The following NRXN1 variants were observed in gnomAD, a reference collection of about 807,000 sequenced individuals.
The protein encoded by NRXN1 is neurexin 1, also known as neurexin-1.
In NRXN1, 39 loss-of-function variants were observed where a neutral mutation model predicts 150.9. That is an observed-to-expected ratio of 0.26 (90% confidence interval 0.20 to 0.34). NRXN1 has a LOEUF of 0.34. Among genes scored for constraint, NRXN1 ranks in the 10% least tolerant of loss-of-function variants. NRXN1 has a pLI of 1.00. For synonymous variants in NRXN1, 924 were observed against 757.0 expected (o/e 1.22, Z -3.62); for missense variants, 1,815 against 1,949.9 (o/e 0.93, Z 1.30).
intron 17 of NRXN1, among the ~76,000 whole-genome samples, chr2:50,371,859 A>C (rs1197140634): frequency 6.6e-6 from 1 of 152,080 alleles, no homozygotes; most frequent in Non-Finnish European, 1.5e-5. Context: ...TCCTTAAATA[A>C]TAACTCTGAT....
chr2:50,902,856 A>C (rs7564490), intron 5 of NRXN1, among the ~76,000 whole-genome samples: 2 of 152,170 alleles, frequency 1.3e-5, no homozygotes, highest in African/African-American at 4.8e-5. Flanking sequence ...ACAAGTCAAA[A>C]ATGAATTAAT....
At chr2:50,000,755 G>T (rs1385605520) in intron 21 of NRXN1, among the ~76,000 whole-genome samples, 4 of 152,260 alleles carry the variant, frequency 2.6e-5, no homozygotes, top group Middle Eastern at 3.4e-3. Context: ...TGCCTTTCCT[G>T]ACTCTGTAGA....
intron 21 of NRXN1, among the ~76,000 whole-genome samples, chr2:50,052,570 C>A (rs923432976): frequency 6.6e-6 from 1 of 152,046 alleles, no homozygotes. Context: ...AATTAACATA[C>A]TTCCAAGTTG....
intron 2 of NRXN1, among the ~76,000 whole-genome samples, chr2:51,007,675 C>G (rs1042354774): frequency 2.0e-5 from 3 of 151,812 alleles, no homozygotes; most frequent in Non-Finnish European, 4.4e-5. Context: ...ATGGGATGCA[C>G]TTTTACATGA....
chr2:50,859,819 TAC>T (rs777927048), intron 5 of NRXN1, among the ~76,000 whole-genome samples: 22 of 130,310 alleles, frequency 1.7e-4, no homozygotes, highest in Non-Finnish European at 3.2e-4. Context: ...ACACATTATA[TAC>T]ACACACACAA....
intron 18 of NRXN1, among the ~76,000 whole-genome samples, chr2:50,196,029 A>G (rs1022005035): frequency 2.6e-5 from 4 of 152,034 alleles, no homozygotes; most frequent in African/African-American, 9.7e-5. Context: ...TTACATATGT[A>G]AACGTGTGCC....
intron 5 of NRXN1, among the ~76,000 whole-genome samples, chr2:50,838,434 A>G (rs1037518752): frequency 2.0e-5 from 3 of 152,070 alleles, no homozygotes; most frequent in Non-Finnish European, 4.4e-5. Context: ...GCCATGTAGG[A>G]CCTAAAAGAA....
chr2:50,850,395 C>T (rs904562415), intron 5 of NRXN1, among the ~76,000 whole-genome samples: 3 of 152,122 alleles, frequency 2.0e-5, no homozygotes, highest in African/African-American at 7.2e-5. Context: ...TTTTTCTTCT[C>T]TGGAACTCAG....
intron 5 of NRXN1, among the ~76,000 whole-genome samples, chr2:50,726,715 T>C (rs1697405818): frequency 6.6e-6 from 1 of 152,176 alleles, no homozygotes; most frequent in Non-Finnish European, 1.5e-5. Flanking sequence ...ACACTTGAAA[T>C]AATATTACTT....
At chr2:50,326,643 C>T (rs1185731314) in intron 17 of NRXN1, among the ~76,000 whole-genome samples, 1 of 152,060 alleles carries the variant, frequency 6.6e-6, no homozygotes, top group African/African-American at 2.4e-5. Context: ...GTGTTACTTG[C>T]TTATAGTTGT....
At chr2:50,206,600 C>T (rs1183409743) in intron 18 of NRXN1, among the ~76,000 whole-genome samples, 3 of 151,876 alleles carry the variant, frequency 2.0e-5, no homozygotes, top group African/African-American at 4.8e-5. Context: ...CGGGACAGCA[C>T]ATTAAAAATT....
At position 50,506,555 on chromosome 2, in the gene NRXN1, G is replaced by A. The variant is rs201150987; in HGVS notation, c.2437C>T (p.Arg813Cys). The A allele has an allele frequency of 1.5e-4, 235 of 1,613,092 alleles. No homozygotes were observed. Among genetic ancestry groups the A allele is most frequent in the Non-Finnish European group, 1.9e-4 (224 of 1,179,410 alleles). The part of the protein sequence containing the change: ...NLNDNEWHTV[R>C]VVRRGKSLKL... ...AAACTTTTTCCACGCCGAACTACAC[G>A]CACTGTGTGCCACTCGTTATCATTG... The change falls in exon 13 of 23, where the codon CGT becomes TGT. Residue 813 changes from arginine to cysteine, a missense_variant. Transcript: ENST00000401669.
chr2:50,322,734 T>A (rs2076132743), intron 17 of NRXN1, among the ~76,000 whole-genome samples: 1 of 152,202 alleles, frequency 6.6e-6, no homozygotes, highest in African/African-American at 2.4e-5. Context: ...TAATTAATTC[T>A]TGAAAAATTA....
At chr2:50,612,384 T>TC (rs1678313755) in intron 8 of NRXN1, among the ~76,000 whole-genome samples, 1 of 152,182 alleles carries the variant, frequency 6.6e-6, no homozygotes, top group Non-Finnish European at 1.5e-5. Context: ...TTGTTTTTTT[T>TC]CTTCTTCTTC....
At position 49,973,638 on chromosome 2, in the gene NRXN1, CAG is replaced by C. The variant is rs1553439637; in HGVS notation, c.4129-29849_4129-29848del. On this transcript the variant is annotated intron_variant, in intron 21 of 22. Coordinates refer to ENST00000401669, the MANE Select transcript of NRXN1 (RefSeq NM_001330078.2). ...ATGCACACACACACACACACACACA[CAG>C]ACACAAGTTTTGGTTGTTTTTGCCA... The C allele has an allele frequency of 3.7e-4, 123 of 333,012 alleles. No homozygotes were observed. The East Asian group carries it at 5.3e-3, about 14-fold the overall frequency. The allele number at this position is 333,012 out of a possible 1,614,324, so 20.6% of individuals were successfully genotyped here.
rs186193476 is a variant in NRXN1 at position 50,140,460 on chromosome 2, T to C, written c.3547-48966A>G. 2.3e-3 allele frequency among the ~76,000 whole-genome samples: 354 copies of C among 152,194 alleles called. 1 individual carries two copies. Among genetic ancestry groups the C allele is most frequent in the African/African-American group, 6.7e-3 (277 of 41,558 alleles). On this transcript the variant is annotated intron_variant, in intron 18 of 22. Coordinates refer to ENST00000401669, the MANE Select transcript of NRXN1 (RefSeq NM_001330078.2). Reference sequence around the variant, plus strand: ...GGAATCCTAAGATGGTTGAGGGCACTCCACATTTATCTAAGCCTTTAGAAC... The same window carrying C: ...GGAATCCTAAGATGGTTGAGGGCACCCCACATTTATCTAAGCCTTTAGAAC...
At chr2:50,056,258 T>A (rs978836615) in intron 19 of NRXN1, among the ~76,000 whole-genome samples, 2 of 152,138 alleles carry the variant, frequency 1.3e-5, no homozygotes, top group African/African-American at 4.8e-5. Context: ...TACAATAATT[T>A]ATAAGTGCTT....
At chr2:50,424,611 G>A (rs2084333926) in intron 17 of NRXN1, among the ~76,000 whole-genome samples, 1 of 152,020 alleles carries the variant, frequency 6.6e-6, no homozygotes, top group East Asian at 1.9e-4. Context: ...TACTAAAAAT[G>A]TTTTCTTCAT....
At chr2:50,166,416 C>G (rs983393001) in intron 18 of NRXN1, among the ~76,000 whole-genome samples, 1 of 151,324 alleles carries the variant, frequency 6.6e-6, no homozygotes, top group African/African-American at 2.4e-5. Context: ...AGTCCTACAG[C>G]CTCACAGAAC....
Sources: gnomAD v4.1 joint callset for allele counts (sites outside exome capture counted in the v4.1 genomes callset) on GRCh38, gnomAD v4.1.1 for gene constraint, MANE v1.5 for transcripts, NCBI Gene and HGNC (gene_info 2026-07-23, HGNC 2026-07-21) for gene names.